ZNF804B: variants seen among roughly 807,000 people sequenced by gnomAD.
The protein encoded by ZNF804B is zinc finger 804B.
A neutral mutation model predicts 101.4 loss-of-function variants in ZNF804B; 80 were observed. The ratio of observed to expected loss-of-function variants is 0.79; its 90% CI spans 0.66 to 0.95. ZNF804B has a LOEUF of 0.95. Among genes scored for constraint, ZNF804B ranks in the 40% least tolerant of loss-of-function variants. ZNF804B has a pLI of 0.00. For missense variants in ZNF804B, 1,673 were observed against 1,561.9 expected (o/e 1.07, Z -1.20); for synonymous variants, 622 against 558.8 (o/e 1.11, Z -1.59).
chr7:88,769,626 A>G (rs1395328832), intron 1 of ZNF804B, among the ~76,000 whole-genome samples: 1 of 152,136 alleles, frequency 6.6e-6, no homozygotes, highest in Non-Finnish European at 1.5e-5. Flanking sequence ...CCTATTTAGG[A>G]GTTTATAGGA....
chr7:89,117,789 T>C (rs1790332955), intron 1 of ZNF804B, among the ~76,000 whole-genome samples: 2 of 152,212 alleles, frequency 1.3e-5, no homozygotes, highest in Admixed American at 6.5e-5. Context: ...TCATGTTGCT[T>C]TATTTCATAG....
intron 1 of ZNF804B, among the ~76,000 whole-genome samples, chr7:89,172,509 C>CT (rs1791251973): frequency 6.6e-6 from 1 of 152,102 alleles, no homozygotes; most frequent in Non-Finnish European, 1.5e-5. Context: ...AAATTATTTT[C>CT]TTTTGCCTTG....
chr7:88,906,125 G>A (rs1792466400), intron 1 of ZNF804B, among the ~76,000 whole-genome samples: 2 of 151,718 alleles, frequency 1.3e-5, no homozygotes, highest in Admixed American at 1.3e-4. Flanking sequence ...TGTAATATTT[G>A]TCATTTCTGA....
At chr7:89,167,653 T>G (rs1341706382) in intron 1 of ZNF804B, among the ~76,000 whole-genome samples, 1 of 152,102 alleles carries the variant, frequency 6.6e-6, no homozygotes, top group Non-Finnish European at 1.5e-5. Context: ...ATGATTTTTA[T>G]AAGGAGAATA....
chr7:88,770,773 A>G (rs1790050167), intron 1 of ZNF804B, among the ~76,000 whole-genome samples: 1 of 151,114 alleles, frequency 6.6e-6, no homozygotes, highest in African/African-American at 2.4e-5. Flanking sequence ...TAGGGAAACA[A>G]GAAGAGCTCT....
chr7:89,332,315 C>A (rs924906420), intron 3 of ZNF804B, among the ~76,000 whole-genome samples: 1 of 151,754 alleles, frequency 6.6e-6, no homozygotes, highest in Non-Finnish European at 1.5e-5. Flanking sequence ...CACTACTCTA[C>A]ATTAGAACTT....
intron 1 of ZNF804B, among the ~76,000 whole-genome samples, chr7:89,110,809 A>G (rs1263714766): frequency 6.6e-6 from 1 of 152,198 alleles, no homozygotes; most frequent in African/African-American, 2.4e-5. Flanking sequence ...TATGTGAACC[A>G]TTACAGTTAC....
At chr7:89,060,767 C>G (rs542284444) in intron 1 of ZNF804B, among the ~76,000 whole-genome samples, 1 of 152,230 alleles carries the variant, frequency 6.6e-6, no homozygotes, top group South Asian at 2.1e-4. Context: ...GAAATTGACT[C>G]CACAAAAGTG....
chr7:89,096,383 C>G (rs905221355), intron 1 of ZNF804B, among the ~76,000 whole-genome samples: 22 of 151,982 alleles, frequency 1.4e-4, no homozygotes, highest in Non-Finnish European at 2.6e-4. Flanking sequence ...AGAGTTGCCC[C>G]AGGACTGGAG....
rs192204296 is a variant in ZNF804B at position 89,177,212 on chromosome 7, A to G, written c.109-40943A>G. ...TTTAAGATGCATCATTAGGTTGTTT[A>G]TTTGAAGTTTATCTTCTTTTTTGAC... On this transcript the variant is annotated intron_variant, in intron 1 of 3. Coordinates refer to ENST00000333190, the MANE Select transcript of ZNF804B (RefSeq NM_181646.5). Among the ~76,000 whole-genome samples, 862 of 152,152 alleles carry G rather than the reference A, an allele frequency of 5.7e-3. 11 individuals are homozygous for G. The highest frequency in any genetic ancestry group is 0.047 in the South Asian group (227 of 4,824).
At chr7:89,227,888 T>C (rs965228029) in intron 2 of ZNF804B, among the ~76,000 whole-genome samples, 1 of 152,246 alleles carries the variant, frequency 6.6e-6, no homozygotes, top group African/African-American at 2.4e-5. Flanking sequence ...ATATGTCATT[T>C]GTTTTAGAAA....
At chr7:88,825,408 A>T (rs186530444) in intron 1 of ZNF804B, among the ~76,000 whole-genome samples, 4 of 152,028 alleles carry the variant, frequency 2.6e-5, no homozygotes, top group Non-Finnish European at 5.9e-5. Flanking sequence ...AGCATCTAGT[A>T]TATGGAGAAC....
intron 1 of ZNF804B, among the ~76,000 whole-genome samples, chr7:88,821,663 G>C (rs1434283664): frequency 6.6e-6 from 1 of 152,062 alleles, no homozygotes; most frequent in South Asian, 2.1e-4. Context: ...CATTCTTTTA[G>C]AAAAATATTG....
chr7:89,016,779 C>T (rs1313283400), intron 1 of ZNF804B, among the ~76,000 whole-genome samples: 2 of 152,126 alleles, frequency 1.3e-5, no homozygotes, highest in Non-Finnish European at 2.9e-5. Context: ...TGTGATGCCT[C>T]CAGCTTTGTT....
At chr7:89,234,222 A>G (rs1193312197) in intron 2 of ZNF804B, among the ~76,000 whole-genome samples, 2 of 152,096 alleles carry the variant, frequency 1.3e-5, no homozygotes, top group East Asian at 1.9e-4. Context: ...TATATGTTAA[A>G]TGATCTGTTT....
chr7:89,291,757 A>T (rs1790295244), intron 2 of ZNF804B, among the ~76,000 whole-genome samples: 1 of 152,146 alleles, frequency 6.6e-6, no homozygotes, highest in Admixed American at 6.5e-5. Context: ...CTAGAGAAAG[A>T]TATTAATATC....
At chr7:89,064,225 C>T (rs1789418425) in intron 1 of ZNF804B, among the ~76,000 whole-genome samples, 1 of 152,038 alleles carries the variant, frequency 6.6e-6, no homozygotes, top group African/African-American at 2.4e-5. Flanking sequence ...CCTGATTCAG[C>T]CACTGGATAT....
In ZNF804B at chr7:89,336,749, T is replaced by C; in HGVS notation, c.3767T>C (p.Ile1256Thr). Residue 1256 changes from isoleucine to threonine, a missense_variant, in exon 4 of 4, where the codon ATC (isoleucine) becomes ACC (threonine). Coordinates refer to ENST00000333190, the MANE Select transcript of ZNF804B (RefSeq NM_181646.5). ...TTTTCGACTCTGACTCCAACCATTA[T>C]CCCTGCACACCCCACTTTCTTAGCA... ...ISFSTLTPTI[I>T]PAHPTFLAGH... The C allele has an allele frequency of 1.2e-6, 2 of 1,614,126 alleles. No individual in the cohort carries two copies. Among genetic ancestry groups the C allele is most frequent in the South Asian group, 2.2e-5 (2 of 91,090 alleles).
chr7:89,003,026 T>C (rs1455834753), intron 1 of ZNF804B, among the ~76,000 whole-genome samples: 1 of 91,582 alleles, frequency 1.1e-5, no homozygotes, highest in East Asian at 2.9e-4. Context: ...CACACAGCTA[T>C]ATACTTTTTT....
Sources: allele counts gnomAD v4.1 joint callset (sites outside exome capture counted in the v4.1 genomes callset), GRCh38; gene constraint gnomAD v4.1.1; transcripts MANE v1.5; gene names NCBI Gene and HGNC (gene_info 2026-07-23, HGNC 2026-07-21).